NRXN3: variants seen among roughly 807,000 people sequenced by gnomAD.
NRXN3 encodes the protein neurexin III.
In NRXN3, 32 loss-of-function variants were observed where a neutral mutation model predicts 137.6. The ratio of observed to expected loss-of-function variants is 0.23; its 90% CI spans 0.18 to 0.31. The LOEUF (loss-of-function observed/expected upper bound fraction) is 0.31, where lower values mean the gene tolerates loss of function less well. NRXN3 is among the 10% of genes least tolerant of loss of function. NRXN3 has a pLI of 1.00. For synonymous variants in NRXN3, 798 were observed against 784.5 expected (o/e 1.02, Z -0.29); for missense variants, 1,574 against 2,062.5 (o/e 0.76, Z 4.59).
chr14:79,548,283 G>A (rs2097340510), intron 16 of NRXN3, among the ~76,000 whole-genome samples: 1 of 152,150 alleles, frequency 6.6e-6, no homozygotes, highest in South Asian at 2.1e-4. Flanking sequence ...GTGAGAACAT[G>A]CAGTGTTTGG....
chr14:79,073,330 A>G (rs2099690772), intron 15 of NRXN3, among the ~76,000 whole-genome samples: 1 of 152,214 alleles, frequency 6.6e-6, no homozygotes, highest in Admixed American at 6.5e-5. Flanking sequence ...CAAAATCTAG[A>G]CATGGCATTG....
At chr14:78,171,654 C>T (rs954790952) in intron 1 of NRXN3, among the ~76,000 whole-genome samples, 1 of 151,636 alleles carries the variant, frequency 6.6e-6, no homozygotes, top group African/African-American at 2.4e-5. Flanking sequence ...GTCCCCCCAC[C>T]CCCCATCCCT....
At chr14:79,722,223 A>G (rs1260970931) in intron 19 of NRXN3, among the ~76,000 whole-genome samples, 2 of 152,022 alleles carry the variant, frequency 1.3e-5, no homozygotes, top group Non-Finnish European at 2.9e-5. Flanking sequence ...TGACTTTAGT[A>G]ATGTCTTCAA....
intron 19 of NRXN3, among the ~76,000 whole-genome samples, chr14:79,719,665 C>T (rs758470392): frequency 3.2e-4 from 49 of 151,956 alleles, no homozygotes; most frequent in Non-Finnish European, 6.8e-4. Context: ...CAGAGAAAAT[C>T]GTGCATAAAA....
intron 15 of NRXN3, among the ~76,000 whole-genome samples, chr14:79,068,567 A>G (rs542438693): frequency 2.3e-4 from 35 of 152,166 alleles, no homozygotes; most frequent in Non-Finnish European, 1.0e-4. Flanking sequence ...TGAATTCTCC[A>G]CATTTAAAGT....
chr14:79,015,743 G>T (rs2099578101), intron 15 of NRXN3, among the ~76,000 whole-genome samples: 2 of 152,298 alleles, frequency 1.3e-5, no homozygotes, highest in African/African-American at 4.8e-5. Flanking sequence ...GTGTGGCATT[G>T]TCTGGTGATG....
chr14:78,214,523 A>G (rs1237387390), intron 1 of NRXN3, among the ~76,000 whole-genome samples: 1 of 152,164 alleles, frequency 6.6e-6, no homozygotes, highest in African/African-American at 2.4e-5. Flanking sequence ...TTTGCTGATC[A>G]TTGTGCCTCC....
intron 15 of NRXN3, among the ~76,000 whole-genome samples, chr14:79,258,906 A>G (rs2077148808): frequency 1.3e-5 from 2 of 152,210 alleles, no homozygotes; most frequent in South Asian, 4.1e-4. Context: ...TTTTCCTTCA[A>G]CTTCCATGGC....
chr14:78,261,259 C>T (rs142633235), intron 2 of NRXN3, among the ~76,000 whole-genome samples: 3 of 152,314 alleles, frequency 2.0e-5, no homozygotes, highest in African/African-American at 7.2e-5. Context: ...TGCCAGTATT[C>T]ATTGACCTGT....
intron 4 of NRXN3, among the ~76,000 whole-genome samples, chr14:78,613,516 T>C (rs2097317282): frequency 1.3e-5 from 2 of 151,380 alleles, no homozygotes; most frequent in African/African-American, 4.9e-5. Context: ...AATCTCAAGT[T>C]AGCCAGAGAA....
chr14:78,947,727 T>C (rs1206483981), intron 10 of NRXN3, among the ~76,000 whole-genome samples: 1 of 152,200 alleles, frequency 6.6e-6, no homozygotes, highest in African/African-American at 2.4e-5. Flanking sequence ...TTTACAACCA[T>C]GGTCCCTCAG....
intron 15 of NRXN3, among the ~76,000 whole-genome samples, chr14:79,317,859 G>A (rs2089180759): frequency 6.6e-6 from 1 of 152,160 alleles, no homozygotes; most frequent in African/African-American, 2.4e-5. Context: ...AAAAATGAAT[G>A]AAAATACCTA....
chr14:78,770,861 C>A (rs569840372), intron 8 of NRXN3, among the ~76,000 whole-genome samples: 2 of 152,066 alleles, frequency 1.3e-5, no homozygotes, highest in South Asian at 2.1e-4. Context: ...GGGGGGGGTA[C>A]AGCTAAAAGG....
intron 15 of NRXN3, among the ~76,000 whole-genome samples, chr14:79,131,706 C>A (rs1238388795): frequency 6.6e-6 from 1 of 152,200 alleles, no homozygotes; most frequent in East Asian, 1.9e-4. Context: ...TTGGCTCCAC[C>A]CAGTTGGAGC....
At chr14:78,228,853 T>C (rs2065018401) in intron 1 of NRXN3, among the ~76,000 whole-genome samples, 1 of 152,306 alleles carries the variant, frequency 6.6e-6, no homozygotes, top group East Asian at 1.9e-4. Context: ...CTCCCTTTCA[T>C]GCGGACGGTG....
In NRXN3 at chr14:78,967,205, TAGGTATATACACTACG is replaced by T. The variant is rs1221661026; in HGVS notation, c.2778-2_2791del. 1.3e-6 allele frequency: 2 copies of T among 1,575,698 alleles called. No homozygotes were observed. Among genetic ancestry groups the T allele is most frequent in the Admixed American group, 3.7e-5 (2 of 53,652 alleles). On this transcript the variant is annotated splice_acceptor_variant and coding_sequence_variant, in exon 13 of 21. Transcript: ENST00000335750. LOFTEE classifies it high-confidence loss of function. The stretch of plus-strand genomic sequence containing the variant: ...TATTGTTTTTTTTTTTTTTTCTTCC[TAGGTATATACACTACG>T]TTTTTGACCTCGGAAACGGTCCCAA...
chr14:78,404,626 T>A (rs1271200091), intron 4 of NRXN3, among the ~76,000 whole-genome samples: 1 of 152,194 alleles, frequency 6.6e-6, no homozygotes, highest in Non-Finnish European at 1.5e-5. Context: ...ATTATGCTGT[T>A]AGTGATCGGC....
In NRXN3 at chr14:79,788,064, TG is replaced by T. The variant is rs543587410; in HGVS notation, c.4015-17041del. Among the ~76,000 whole-genome samples the T allele has an allele frequency of 4.6e-5, 7 of 152,014 alleles. 1 individual carries two copies. The highest frequency in any genetic ancestry group is 1.5e-5 in the Non-Finnish European group (1 of 68,012). On this transcript the variant is annotated intron_variant, in intron 19 of 20. Transcript: ENST00000335750. ...AATGGACTTCACAGCTCCACATGAC[TG>T]GGGGGGCCTCACAATCATGGTGGAA...
chr14:79,718,935 C>CT (rs2098832936), intron 19 of NRXN3, among the ~76,000 whole-genome samples: 2 of 152,012 alleles, frequency 1.3e-5, no homozygotes, highest in African/African-American at 2.4e-5. Flanking sequence ...TTTTTTATCT[C>CT]TCCCCCATTC....
Sources: gnomAD v4.1 joint callset for allele counts (sites outside exome capture counted in the v4.1 genomes callset) on GRCh38, gnomAD v4.1.1 for gene constraint, MANE v1.5 for transcripts, NCBI Gene and HGNC (gene_info 2026-07-23, HGNC 2026-07-21) for gene names.